RREB1: variants seen among roughly 807,000 people sequenced by gnomAD.
RREB1 encodes the protein ras responsive element binding protein 1, also known as ras-responsive element-binding protein 1.
RREB1 carries 27 observed loss-of-function variants against 117.8 expected under a neutral mutation model. That is an observed-to-expected ratio of 0.23 (90% confidence interval 0.17 to 0.32). RREB1 has a LOEUF of 0.32. Among genes scored for constraint, RREB1 ranks in the 10% least tolerant of loss-of-function variants. The probability of loss-of-function intolerance (pLI) is 1.00; values close to 1 mark genes in which losing one functional copy is unlikely to be tolerated. For missense variants in RREB1, 2,577 were observed against 2,378.2 expected, an observed-to-expected ratio of 1.08 and a Z score of -1.74; for synonymous variants, 1,298 against 1,026.7, an observed-to-expected ratio of 1.26 and a Z score of -5.05.
chr6:7,166,382 T>C (rs564499856), intron 1 of RREB1, among the ~76,000 whole-genome samples: 1 of 152,378 alleles, frequency 6.6e-6, no homozygotes, highest in Non-Finnish European at 1.5e-5. Context: ...CAACCACTTA[T>C]ATCTCAGAGC....
chr6:7,113,349 C>G (rs1452393629), intron 1 of RREB1, among the ~76,000 whole-genome samples: 1 of 152,130 alleles, frequency 6.6e-6, no homozygotes, highest in Non-Finnish European at 1.5e-5. Context: ...CATCTCTTTC[C>G]CCCTTTTCAG....
Position 7,229,473 on chromosome 6 carries a change from C to G in RREB1, c.1374C>G (p.Pro458=). The part of the protein sequence containing the change: ...IQPDSSIVVK[P]ISGESAIELA... Reference sequence around the variant, plus strand: ...CTGACAGCAGCATTGTGGTCAAGCCCATCTCTGGCGAGTCGGCCATCGAGC... The same window carrying G: ...CTGACAGCAGCATTGTGGTCAAGCCGATCTCTGGCGAGTCGGCCATCGAGC... The change falls in exon 10 of 13, where the codon CCC becomes CCG. Residue 458 remains proline, a synonymous_variant. Transcript: ENST00000379938. The surrounding 1 kb of genome is among the most constrained non-coding windows in gnomAD (Gnocchi z 4.5). The G allele has an allele frequency of 6.2e-7, 1 of 1,614,170 alleles. No homozygotes were observed. The highest frequency in any genetic ancestry group is 8.5e-7 in the Non-Finnish European group (1 of 1,180,020).
intron 11 of RREB1, among the ~76,000 whole-genome samples, chr6:7,240,999 C>T (rs192104473): frequency 3.3e-5 from 5 of 152,214 alleles, no homozygotes; most frequent in Admixed American, 6.5e-5. Flanking sequence ...GAGCCTTAGC[C>T]GCTGCAGCCT....
intron 8 of RREB1, among the ~76,000 whole-genome samples, chr6:7,223,966 A>G (rs532836199): frequency 6.6e-6 from 1 of 152,210 alleles, no homozygotes; most frequent in East Asian, 1.9e-4. Flanking sequence ...TTGTTTTAAT[A>G]AAAGAAAAGA....
chr6:7,224,097 C>T (rs1767446033), intron 8 of RREB1, among the ~76,000 whole-genome samples: 1 of 151,900 alleles, frequency 6.6e-6, no homozygotes, highest in Admixed American at 6.6e-5. Context: ...AGTTGAATGC[C>T]ATAATCGTAA....
intron 1 of RREB1, among the ~76,000 whole-genome samples, chr6:7,175,743 G>C (rs912379181): frequency 5.3e-5 from 8 of 152,096 alleles, no homozygotes; most frequent in Admixed American, 5.2e-4. Flanking sequence ...GAGCAGACTT[G>C]CTCAAACTTT....
At chr6:7,129,888 C>T (rs1404884417) in intron 1 of RREB1, among the ~76,000 whole-genome samples, 7 of 152,148 alleles carry the variant, frequency 4.6e-5, no homozygotes, top group South Asian at 4.1e-4. Flanking sequence ...TGTTGGTAGA[C>T]GGGTGTATAT....
At chr6:7,203,294 C>A (rs2113598095) in intron 6 of RREB1, among the ~76,000 whole-genome samples, 1 of 152,280 alleles carries the variant, frequency 6.6e-6, no homozygotes, top group East Asian at 1.9e-4. Context: ...GAGTTTGAGG[C>A]TGCACTGAGC....
intron 1 of RREB1, among the ~76,000 whole-genome samples, chr6:7,152,377 T>G (rs532650280): frequency 6.6e-6 from 1 of 152,356 alleles, no homozygotes; most frequent in South Asian, 2.1e-4. Context: ...GTTTTCATTA[T>G]TGTTAATTGA....
At chr6:7,111,665 T>A (rs1761153231) in intron 1 of RREB1, among the ~76,000 whole-genome samples, 1 of 152,202 alleles carries the variant, frequency 6.6e-6, no homozygotes. Flanking sequence ...TAAAGTTTGT[T>A]TTGGTTTTGT....
chr6:7,212,844 A>C (rs1162760012), intron 8 of RREB1: 2 of 152,250 alleles, frequency 1.3e-5, no homozygotes, highest in Non-Finnish European at 2.9e-5. Flanking sequence ...CAGTAACTTG[A>C]TGCCAGGTCA....
chr6:7,241,554 C>G (rs1768707355), intron 11 of RREB1, among the ~76,000 whole-genome samples: 1 of 152,186 alleles, frequency 6.6e-6, no homozygotes, highest in Non-Finnish European at 1.5e-5. Context: ...TTCTATTCCT[C>G]AGACTAGGGT....
chr6:7,168,567 G>GCTTA (rs1319810266), intron 1 of RREB1, among the ~76,000 whole-genome samples: 1 of 152,150 alleles, frequency 6.6e-6, no homozygotes, highest in Non-Finnish European at 1.5e-5. Context: ...CCATCTGAGG[G>GCTTA]CTTAGTTCAA....
intron 1 of RREB1, among the ~76,000 whole-genome samples, chr6:7,119,220 G>A (rs1373140318): frequency 3.9e-5 from 6 of 151,956 alleles, no homozygotes; most frequent in South Asian, 2.1e-4. Context: ...GCGTAGTGGC[G>A]GGCGTCTGTA....
chr6:7,123,322 C>T (rs1761761155), intron 1 of RREB1, among the ~76,000 whole-genome samples: 1 of 151,726 alleles, frequency 6.6e-6, no homozygotes, highest in Admixed American at 6.6e-5. Flanking sequence ...CCGCCACGCC[C>T]AGCTAATTTT....
At chr6:7,167,173 G>A (rs548764193) in intron 1 of RREB1, among the ~76,000 whole-genome samples, 1 of 152,136 alleles carries the variant, frequency 6.6e-6, no homozygotes, top group East Asian at 1.9e-4. Flanking sequence ...TTAACCAAAC[G>A]TGAAGCTGAC....
chr6:7,230,931 G>A lies in RREB1; in HGVS notation c.2832G>A (p.Arg944=), dbSNP rs1168236435. 1.2e-6 allele frequency: 2 copies of A among 1,614,056 alleles called. No individual in the cohort carries two copies. Among genetic ancestry groups the A allele is most frequent in the Admixed American group, 1.7e-5 (1 of 60,002 alleles). Residue 944 remains arginine (R), a synonymous_variant, in exon 10 of 13, where the codon AGG becomes AGA. Transcript: ENST00000379938. ...ACCTGTCCATCCCCAAGAACTTCAG[G>A]AAAGGGGACAAGGATTTGGCCACTC... ...PIDLSIPKNF[R]KGDKDLATPS...
intron 1 of RREB1, among the ~76,000 whole-genome samples, chr6:7,162,774 A>G (rs1763732822): frequency 6.6e-6 from 1 of 152,174 alleles, no homozygotes; most frequent in Admixed American, 6.5e-5. Context: ...AGCAGCAAGG[A>G]TGGGCCTACA....
At chr6:7,244,932 A>T (rs932977477) in intron 11 of RREB1, among the ~76,000 whole-genome samples, 6 of 152,206 alleles carry the variant, frequency 3.9e-5, no homozygotes, top group Non-Finnish European at 8.8e-5. Flanking sequence ...TTGACATTGT[A>T]GTTACACCTG....
Sources: allele counts gnomAD v4.1 joint callset (sites outside exome capture counted in the v4.1 genomes callset), GRCh38; gene constraint gnomAD v4.1.1; non-coding constraint Gnocchi (gnomAD v3.1); transcripts MANE v1.5; gene names NCBI Gene and HGNC (gene_info 2026-07-23, HGNC 2026-07-21).